Variants in RNF111 observed in about 807,000 individuals in gnomAD.
RNF111 encodes ring finger protein 111.
In RNF111, 17 loss-of-function variants were observed where a neutral mutation model predicts 95.1. The observed-to-expected ratio is 0.18, with a 90% confidence interval of 0.12 to 0.27. The LOEUF (loss-of-function observed/expected upper bound fraction) is 0.27. Among genes scored for constraint, RNF111 ranks in the 10% least tolerant of loss-of-function variants. The pLI is 1.00. For missense variants in RNF111, 1,189 were observed against 1,210.4 expected (o/e 0.98, Z 0.26); for synonymous variants, 440 against 414.8 (o/e 1.06, Z -0.74).
chr15:59,038,806 C>T (rs1798563738), intron 2 of RNF111, among the ~76,000 whole-genome samples: 1 of 152,116 alleles, frequency 6.6e-6, no homozygotes, highest in Non-Finnish European at 1.5e-5. Flanking sequence ...GTTGATGATA[C>T]TGTGTGCTTT....
intron 1 of RNF111, 81 bp from the exon 2 acceptor site, chr15:59,030,723 G>C: frequency 3.2e-6 from 3 of 945,746 alleles, no homozygotes; most frequent in East Asian, 2.7e-5. Context: ...GGATCTTCTT[G>C]GTGGAATTTG....
chr15:59,089,067 A>G (rs1189613693), intron 10 of RNF111, among the ~76,000 whole-genome samples: 1 of 152,170 alleles, frequency 6.6e-6, no homozygotes, highest in Admixed American at 6.5e-5. Flanking sequence ...ACAGAGTTGC[A>G]TGTTGGGCAA....
chr15:59,035,870 T>A (rs971617771), intron 2 of RNF111, among the ~76,000 whole-genome samples: 2 of 152,162 alleles, frequency 1.3e-5, no homozygotes, highest in African/African-American at 4.8e-5. Flanking sequence ...CTCTAGGAAG[T>A]TCCAAACTTC....
intron 1 of RNF111, among the ~76,000 whole-genome samples, chr15:59,004,509 A>T (rs918066752): frequency 1.3e-5 from 2 of 152,216 alleles, no homozygotes; most frequent in Non-Finnish European, 2.9e-5. Flanking sequence ...AATTCAAACC[A>T]TAAAAGGTTT....
chr15:59,004,587 A>G (rs1223508425), intron 1 of RNF111, among the ~76,000 whole-genome samples: 2 of 152,202 alleles, frequency 1.3e-5, no homozygotes, highest in African/African-American at 4.8e-5. Flanking sequence ...CCAGTATTCT[A>G]GAGTTGTTTA....
chr15:59,056,926 T>G (rs1427500905), intron 4 of RNF111, among the ~76,000 whole-genome samples: 1 of 152,172 alleles, frequency 6.6e-6, no homozygotes, highest in African/African-American at 2.4e-5. Flanking sequence ...TACAGTAAGT[T>G]CAACCAGAAT....
intron 1 of RNF111, among the ~76,000 whole-genome samples, chr15:59,026,072 T>C (rs2040591886): frequency 6.6e-6 from 1 of 152,024 alleles, no homozygotes; most frequent in African/African-American, 2.4e-5. Flanking sequence ...TTTAGAGTCA[T>C]GTAAGCAATC....
At position 59,067,203 on chromosome 15, in the gene RNF111, T is replaced by TCTCCCTGCTTTCTTCC. The variant is rs1278260347; in HGVS notation, c.1686+129_1686+144dup. On this transcript the variant is annotated intron_variant, in intron 6 of 13. Transcript: ENST00000348370. ...CTGTCTCTCTCCCTCCCTCCATTTC[T>TCTCCCTGCTTTCTTCC]CTCCCTGCTTTCTTCCCTCCCTGCC... 3.5e-6 allele frequency: 3 copies of TCTCCCTGCTTTCTTCC among 854,942 alleles called. No homozygotes were observed. The African/African-American group carries it at 5.2e-5, about 15-fold the overall frequency. The allele number at this position is 854,942 out of a possible 1,614,324, so 53.0% of individuals were successfully genotyped here.
At chr15:58,994,231 G>A (rs1596016624) in intron 1 of RNF111, among the ~76,000 whole-genome samples, 1 of 151,384 alleles carries the variant, frequency 6.6e-6, no homozygotes, top group East Asian at 1.9e-4. Context: ...TAGAGATGGG[G>A]TTTCGCTATG....
At chr15:59,009,806 A>C (rs1163833873) in intron 1 of RNF111, among the ~76,000 whole-genome samples, 1 of 152,064 alleles carries the variant, frequency 6.6e-6, no homozygotes, top group African/African-American at 2.4e-5. Flanking sequence ...AATTCAAAAA[A>C]TTAGCTGGGC....
intron 1 of RNF111, among the ~76,000 whole-genome samples, chr15:59,025,058 A>T (rs1321338333): frequency 6.6e-6 from 1 of 152,176 alleles, no homozygotes; most frequent in African/African-American, 2.4e-5. Context: ...TTGTTTATCT[A>T]TTCATCACTT....
chr15:59,094,723 T>A, intron 13 of RNF111, 60 bp from the exon 14 acceptor site: 1 of 906,006 alleles, frequency 1.1e-6, no homozygotes, highest in Non-Finnish European at 1.9e-6. Flanking sequence ...ATATAATTTG[T>A]TAACTACGTA....
At chr15:59,062,567 T>C (rs1022851206) in intron 5 of RNF111, among the ~76,000 whole-genome samples, 1 of 152,200 alleles carries the variant, frequency 6.6e-6, no homozygotes, top group Non-Finnish European at 1.5e-5. Context: ...ACAAAACAGA[T>C]AAATTTTTGT....
At chr15:59,085,129 T>G (rs1228495901) in intron 9 of RNF111, among the ~76,000 whole-genome samples, 2 of 152,212 alleles carry the variant, frequency 1.3e-5, no homozygotes, top group Admixed American at 1.3e-4. Flanking sequence ...CAATGACTTT[T>G]GAGGCAGAAC....
chr15:59,052,450 G>T lies in RNF111; in HGVS notation c.1007+19G>T. Reference sequence around the variant, plus strand: ...GCTATCGGTGAGATTTTAATTCTTAGTTAAATGTTTGAAATATTAAATATA... The same window carrying T: ...GCTATCGGTGAGATTTTAATTCTTATTTAAATGTTTGAAATATTAAATATA... On this transcript the variant is annotated intron_variant, in intron 3 of 13. Coordinates refer to ENST00000348370, the MANE Select transcript of RNF111 (RefSeq NM_017610.8). 3.3e-6 allele frequency: 5 copies of T among 1,519,066 alleles called. No individual in the cohort carries two copies. The highest frequency in any genetic ancestry group is 4.4e-6 in the Non-Finnish European group (5 of 1,132,028). 94.1% of individuals were successfully genotyped at this position (1,519,066 alleles called of 1,614,324 possible).
chr15:59,034,561 G>GA (rs1196342800), intron 2 of RNF111, among the ~76,000 whole-genome samples: 21 of 152,154 alleles, frequency 1.4e-4, no homozygotes, highest in African/African-American at 4.1e-4. Flanking sequence ...GAAGCATTTG[G>GA]AAAATCAGTT....
chr15:58,993,228 G>T (rs12381120), intron 1 of RNF111, among the ~76,000 whole-genome samples: 19,284 of 151,894 alleles, frequency 0.13, 1,306 homozygotes, highest in East Asian at 0.24. Flanking sequence ...AGTAAAAGTG[G>T]CCAGGTATAG....
At chr15:59,046,989 T>A (rs1379189721) in intron 2 of RNF111, among the ~76,000 whole-genome samples, 2 of 151,948 alleles carry the variant, frequency 1.3e-5, no homozygotes, top group African/African-American at 4.8e-5. Context: ...CACCTCAGCC[T>A]CCGGAGTAGC....
intron 2 of RNF111, among the ~76,000 whole-genome samples, chr15:59,039,968 GC>G (rs1291235794): frequency 6.6e-6 from 1 of 152,134 alleles, no homozygotes; most frequent in African/African-American, 2.4e-5. Flanking sequence ...ACCTGCCTCA[GC>G]CTCCTCAAGT....
Sources: gnomAD v4.1 joint callset for allele counts (sites outside exome capture counted in the v4.1 genomes callset) on GRCh38, gnomAD v4.1.1 for gene constraint, MANE v1.5 for transcripts, NCBI Gene and HGNC (gene_info 2026-07-23, HGNC 2026-07-21) for gene names.